RBFOX1: variants seen among roughly 807,000 people sequenced by gnomAD.
RBFOX1 encodes the protein RNA binding protein fox-1 homolog 1.
In RBFOX1, 8 loss-of-function variants were observed where a neutral mutation model predicts 57.7. That is an observed-to-expected ratio of 0.14 (90% confidence interval 0.08 to 0.25). The LOEUF (loss-of-function observed/expected upper bound fraction) is 0.25, where lower values mean the gene tolerates loss of function less well. RBFOX1 is among the 10% of genes least tolerant of loss of function. The probability of loss-of-function intolerance (pLI) is 1.00; values close to 1 mark genes in which losing one functional copy is unlikely to be tolerated. For synonymous variants in RBFOX1, 326 were observed against 222.4 expected (o/e 1.47, Z -4.15); for missense variants, 611 against 548.5 (o/e 1.11, Z -1.14).
chr16:5,459,468 ACCT>A (rs1206617393), intron 1 of RBFOX1, among the ~76,000 whole-genome samples: 1 of 151,406 alleles, frequency 6.6e-6, no homozygotes, highest in East Asian at 2.0e-4. Context: ...TTCCGTTTAG[ACCT>A]CCTCTCTGAA....
intron 1 of RBFOX1, among the ~76,000 whole-genome samples, chr16:5,362,162 G>C (rs1367847960): frequency 6.6e-6 from 1 of 152,042 alleles, no homozygotes; most frequent in Non-Finnish European, 1.5e-5. Context: ...TTGTGCAGCA[G>C]ATCTCTAGAA....
intron 2 of RBFOX1, among the ~76,000 whole-genome samples, chr16:5,567,109 G>A (rs1476928272): frequency 1.3e-5 from 2 of 152,198 alleles, no homozygotes; most frequent in Non-Finnish European, 2.9e-5. Flanking sequence ...CAGATGAATT[G>A]GAGATGTTGA....
At chr16:7,686,147 C>G (rs374631157) in intron 14 of RBFOX1, among the ~76,000 whole-genome samples, 1 of 151,424 alleles carries the variant, frequency 6.6e-6, no homozygotes, top group African/African-American at 2.4e-5. Context: ...GCAGCAGCAG[C>G]ATCACTGAAC....
At chr16:6,711,298 C>T (rs1025133094) in intron 3 of RBFOX1, among the ~76,000 whole-genome samples, 1 of 152,120 alleles carries the variant, frequency 6.6e-6, no homozygotes, top group African/African-American at 2.4e-5. Flanking sequence ...GCTTCTGTCT[C>T]ACTGAGAATA....
intron 2 of RBFOX1, among the ~76,000 whole-genome samples, chr16:6,482,609 C>G (rs1369492259): frequency 6.6e-6 from 1 of 152,196 alleles, no homozygotes; most frequent in Non-Finnish European, 1.5e-5. Context: ...CTCCTAAAAG[C>G]AGGCTGAAAC....
In RBFOX1 at chr16:5,708,861, C is replaced by CT. The variant is rs1200903823; in HGVS notation, c.318+109901dup. On this transcript the variant is annotated intron_variant, in intron 3 of 19. Coordinates refer to the RBFOX1 transcript ENST00000641259. ...TTTCTAACTTTTGGAAGAAACATGT[C>CT]TGTCATTATTGAGAATAAACCCAAT... is the stretch of plus-strand genomic sequence containing the variant. 3.3e-5 allele frequency among the ~76,000 whole-genome samples: 5 copies of CT among 152,104 alleles called. 1 individual carries two copies. Among genetic ancestry groups the CT allele is most frequent in the Non-Finnish European group, 2.9e-5 (2 of 68,042 alleles).
Position 5,598,914 on chromosome 16 carries a change from G to T in RBFOX1, c.271G>T (p.Glu91Ter). 2.0e-6 allele frequency: 3 copies of T among 1,524,790 alleles called. No individual in the cohort carries two copies. The highest frequency in any genetic ancestry group is 2.6e-6 in the Non-Finnish European group (3 of 1,140,872). The allele number at this position is 1,524,790 out of a possible 1,614,324, so 94.5% of individuals were successfully genotyped here. A position where few individuals can be genotyped will look rare whatever the true frequency, so the allele number is the denominator to read the frequency against. ...TGTTTTTTGCCAGGACTACAAGTCT[G>T]AAAATTCAACCCTCCTCCCCGGTGC... Residue 91 changes from glutamate to a stop codon, truncating the protein, a stop_gained, in exon 3 of 3, where the codon GAA (glutamate) becomes TAA (stop). Coordinates refer to the RBFOX1 transcript ENST00000585867. LOFTEE classifies it low-confidence loss of function (END_TRUNC).
At chr16:7,484,911 TAAAG>T (rs1411649475) in intron 4 of RBFOX1, among the ~76,000 whole-genome samples, 1 of 152,204 alleles carries the variant, frequency 6.6e-6, no homozygotes, top group Admixed American at 6.5e-5. Context: ...ATCAGGAAAG[TAAAG>T]AAGACATTTG....
At chr16:6,849,214 T>A (rs942006913) in intron 3 of RBFOX1, among the ~76,000 whole-genome samples, 3 of 152,112 alleles carry the variant, frequency 2.0e-5, no homozygotes, top group Non-Finnish European at 2.9e-5. Flanking sequence ...TATCAGAGAG[T>A]GTGTTGACAG....
intron 4 of RBFOX1, among the ~76,000 whole-genome samples, chr16:6,009,669 G>T (rs1050828324): frequency 6.6e-6 from 1 of 152,078 alleles, no homozygotes; most frequent in South Asian, 2.1e-4. Context: ...AAAGCCCTCA[G>T]ATCTTAAAAT....
intron 1 of RBFOX1, among the ~76,000 whole-genome samples, chr16:6,311,478 C>T (rs994198528): frequency 3.9e-5 from 6 of 152,004 alleles, no homozygotes; most frequent in Admixed American, 6.6e-5. Context: ...TTGGAGAATC[C>T]GCTCCTGAAG....
At chr16:6,942,246 C>T (rs113515412) in intron 3 of RBFOX1, among the ~76,000 whole-genome samples, 21,377 of 152,038 alleles carry the variant, frequency 0.14, 1,595 homozygotes, top group East Asian at 0.23. Flanking sequence ...CACCACTGCA[C>T]TTCAGCCTGA....
chr16:6,980,440 A>G (rs2088438316), intron 3 of RBFOX1, among the ~76,000 whole-genome samples: 1 of 152,220 alleles, frequency 6.6e-6, no homozygotes, highest in Admixed American at 6.5e-5. Flanking sequence ...ATATGTTTAC[A>G]AAAGCAAAAA....
In RBFOX1 at chr16:6,576,327, C is replaced by G. The variant is rs1364971799; in HGVS notation, c.-63-78276C>G. ...TAGACATGCCATTTCCCCAAACACGCACATCTTTGGGATGTGGGAGGAAAC... is the reference window on the plus strand; with the variant it reads ...TAGACATGCCATTTCCCCAAACACGGACATCTTTGGGATGTGGGAGGAAAC... On this transcript the variant is annotated intron_variant, in intron 2 of 15. Transcript: ENST00000550418. Among the ~76,000 whole-genome samples, 28 of 152,142 alleles carry G rather than the reference C, an allele frequency of 1.8e-4. 1 individual carries two copies. Among genetic ancestry groups the G allele is most frequent in the Admixed American group, 1.8e-3 (28 of 15,272 alleles).
chr16:6,759,473 CTGTGTGTGTGTGTG>C (rs71145287), intron 3 of RBFOX1, among the ~76,000 whole-genome samples: 4,964 of 143,080 alleles, frequency 0.035, 118 homozygotes, highest in East Asian at 0.1. Context: ...TGTCAGTTGT[CTGTGTGTGTGTGTG>C]TGTGTGTGTG....
At chr16:7,542,126 G>T (rs1459747645) in intron 5 of RBFOX1, among the ~76,000 whole-genome samples, 1 of 152,168 alleles carries the variant, frequency 6.6e-6, no homozygotes, top group Non-Finnish European at 1.5e-5. Flanking sequence ...TGTGATGAAT[G>T]CAACAAGGGC....
At chr16:6,570,078 A>G (rs973934946) in intron 2 of RBFOX1, among the ~76,000 whole-genome samples, 1 of 152,182 alleles carries the variant, frequency 6.6e-6, no homozygotes, top group East Asian at 1.9e-4. Flanking sequence ...GTATTCTTTC[A>G]TGATTGACAG....
At chr16:6,110,444 C>A (rs932615633) in intron 1 of RBFOX1, among the ~76,000 whole-genome samples, 3 of 152,206 alleles carry the variant, frequency 2.0e-5, no homozygotes, top group Admixed American at 6.5e-5. Flanking sequence ...ATTCTGTATC[C>A]TGCACAAACA....
intron 4 of RBFOX1, among the ~76,000 whole-genome samples, chr16:5,870,614 T>A (rs2057447644): frequency 6.6e-6 from 1 of 151,162 alleles, no homozygotes; most frequent in African/African-American, 2.4e-5. Flanking sequence ...GAACAGTTTT[T>A]TTTAGTCTTT....
Sources: allele counts gnomAD v4.1 joint callset (sites outside exome capture counted in the v4.1 genomes callset), GRCh38; gene constraint gnomAD v4.1.1; transcripts MANE v1.5; gene names NCBI Gene and HGNC (gene_info 2026-07-23, HGNC 2026-07-21).